The following LINC00632 variants were observed in gnomAD, a reference collection of about 807,000 sequenced individuals.
LINC00632 encodes ALDOA related specific transcript.
exon 4 of LINC00632, among the ~76,000 whole-genome samples, chrX:140,773,835 T>C (rs1344715493): frequency 8.9e-6 from 1 of 112,050 alleles, no homozygotes; most frequent in Non-Finnish European, 1.9e-5. Flanking sequence ...TGCATGTATT[T>C]TGACTACCTG....
At chrX:140,723,520 AACATTCCATACACACACAC>A (rs1930787814) in intron 2 of LINC00632, among the ~76,000 whole-genome samples, 3 of 1,186 alleles carry the variant, frequency 2.5e-3, no homozygotes, top group African/African-American at 8.5e-3. Flanking sequence ...CATACACACA[AACATTCCATACACACACAC>A]ACATTCCATA....
chrX:140,759,795 AC>A (rs1157173064), intron 3 of LINC00632, among the ~76,000 whole-genome samples: 3 of 111,673 alleles, frequency 2.7e-5, no homozygotes, highest in Non-Finnish European at 5.6e-5. Context: ...CCATGGAGAT[AC>A]CCCTAAGACA....
At chrX:140,750,631 T>C (rs1569352939) in intron 3 of LINC00632, among the ~76,000 whole-genome samples, 1 of 111,323 alleles carries the variant, frequency 9.0e-6, no homozygotes, top group African/African-American at 3.3e-5. Flanking sequence ...AGGACTGTTT[T>C]TTATTTCAAT....
intron 2 of LINC00632, among the ~76,000 whole-genome samples, chrX:140,715,824 T>C (rs1158820887): frequency 9.0e-6 from 1 of 111,436 alleles, no homozygotes; most frequent in Non-Finnish European, 1.9e-5. Context: ...CAGATTCACC[T>C]ATCAATATAC....
chrX:140,759,503 C>T (rs374814905), intron 3 of LINC00632, among the ~76,000 whole-genome samples: 36 of 109,363 alleles, frequency 3.3e-4, no homozygotes, highest in African/African-American at 1.1e-3. Context: ...ACTACAGGCA[C>T]GCAGCACCAT....
At chrX:140,767,257 AAAT>A (rs1427292988) in intron 3 of LINC00632, among the ~76,000 whole-genome samples, 1 of 111,335 alleles carries the variant, frequency 9.0e-6, no homozygotes, top group East Asian at 2.8e-4. Context: ...CTCATCTATA[AAAT>A]AATAATAATA....
At chrX:140,778,465 C>G (rs1348831494) in exon 5 of LINC00632, among the ~76,000 whole-genome samples, 1 of 110,459 alleles carries the variant, frequency 9.1e-6, no homozygotes, top group Non-Finnish European at 1.9e-5. Flanking sequence ...ATTAGCTGGG[C>G]GTGGTGGTGC....
chrX:140,752,588 G>A (rs1460850394), intron 3 of LINC00632, among the ~76,000 whole-genome samples: 2 of 111,934 alleles, frequency 1.8e-5, no homozygotes, highest in Non-Finnish European at 3.8e-5. Flanking sequence ...GTAATGTAAA[G>A]CTGGACAAGC....
intron 2 of LINC00632, among the ~76,000 whole-genome samples, chrX:140,713,260 C>A (rs1287376975): frequency 9.1e-6 from 1 of 109,966 alleles, no homozygotes; most frequent in Non-Finnish European, 1.9e-5. Flanking sequence ...TATATGCTCA[C>A]CAGTGACCAC....
intron 2 of LINC00632, among the ~76,000 whole-genome samples, chrX:140,718,538 G>A (rs113698470): frequency 0.033 from 3,567 of 107,755 alleles, 129 homozygotes; most frequent in African/African-American, 0.11. Flanking sequence ...TCAGCCTCCC[G>A]ACTAGCTGGG....
chrX:140,758,964 C>CTTTTTTTTTTTTTTTTTTTGTTTTT (rs146312064), intron 3 of LINC00632, among the ~76,000 whole-genome samples: 1 of 78,974 alleles, frequency 1.3e-5, no homozygotes, highest in African/African-American at 4.8e-5. Context: ...CTTTTCTTTT[C>CTTTTTTTTTTTTTTTTTTTGTTTTT]TTTTTTTTTT....
At chrX:140,782,227 T>C (rs1244955739) in exon 5 of LINC00632, among the ~76,000 whole-genome samples, 1 of 112,080 alleles carries the variant, frequency 8.9e-6, no homozygotes, top group African/African-American at 3.2e-5. Context: ...ACACAACTCT[T>C]TGAATATTGC....
chrX:140,721,260 T>A (rs989266518), intron 2 of LINC00632, among the ~76,000 whole-genome samples: 4 of 111,420 alleles, frequency 3.6e-5, no homozygotes, highest in African/African-American at 1.3e-4. Flanking sequence ...ACACCCAGAA[T>A]GGCCCTGCAA....
intron 2 of LINC00632, among the ~76,000 whole-genome samples, chrX:140,721,684 T>G (rs1930730444): frequency 9.0e-6 from 1 of 110,892 alleles, no homozygotes; most frequent in Non-Finnish European, 1.9e-5. Flanking sequence ...TTACACCACA[T>G]GGCGTGCTCC....
chrX:140,760,379 A>G (rs2148396546), intron 3 of LINC00632, among the ~76,000 whole-genome samples: 1 of 112,197 alleles, frequency 8.9e-6, no homozygotes, highest in South Asian at 3.8e-4. Flanking sequence ...GGGGTCTCAG[A>G]TAAGGATTTA....
intron 2 of LINC00632, among the ~76,000 whole-genome samples, chrX:140,724,189 TAC>T (rs1258569894): frequency 7.5e-5 from 1 of 13,318 alleles, no homozygotes; most frequent in Non-Finnish European, 1.8e-4. Context: ...ACACATTCTG[TAC>T]ACACAGACAC....
At chrX:140,714,823 AAAAAAAAT>A (rs1172138634) in intron 2 of LINC00632, 1 of 42,791 alleles carries the variant, frequency 2.3e-5, no homozygotes, top group Non-Finnish European at 3.6e-5. Flanking sequence ...ACTTTGCCTC[AAAAAAAAT>A]AAAAAAATAA....
At chrX:140,769,274 G>A (rs1227742738) in intron 3 of LINC00632, among the ~76,000 whole-genome samples, 3 of 111,521 alleles carry the variant, frequency 2.7e-5, no homozygotes, top group Non-Finnish European at 5.6e-5. Context: ...ACAGTCTGGG[G>A]CCAGATCATG....
chrX:140,729,312 G>A (rs139771448), intron 2 of LINC00632, among the ~76,000 whole-genome samples: 229 of 109,027 alleles, frequency 2.1e-3, no homozygotes, highest in African/African-American at 7.4e-3. Context: ...GAATTGGACC[G>A]CAAGTTCCAG....
Sources: gnomAD v4.1 joint callset for allele counts (sites outside exome capture counted in the v4.1 genomes callset) on GRCh38, gnomAD v4.1.1 for gene constraint, MANE v1.5 for transcripts, NCBI Gene and HGNC (gene_info 2026-07-23, HGNC 2026-07-21) for gene names.